The following FGD2 variants were observed in gnomAD, a reference collection of about 807,000 sequenced individuals.
The protein encoded by FGD2 is FYVE, RhoGEF and PH domain containing 2.
FGD2 carries 52 observed loss-of-function variants against 75.9 expected under a neutral mutation model. The ratio of observed to expected loss-of-function variants is 0.69; its 90% CI spans 0.55 to 0.86. The LOEUF (loss-of-function observed/expected upper bound fraction) is 0.86, where lower values mean the gene tolerates loss of function less well. Among genes scored for constraint, FGD2 ranks in the 40% least tolerant of loss-of-function variants. FGD2 has a pLI of 0.00. For missense variants in FGD2, 790 were observed against 872.0 expected (o/e 0.91, Z 1.18); for synonymous variants, 347 against 348.6 (o/e 1.00, Z 0.05).
At chr6:37,013,542 AC>A in intron 4 of FGD2, 66 bp from the exon 5 acceptor site, 2 of 1,562,548 alleles carry the variant, frequency 1.3e-6, no homozygotes, top group Non-Finnish European at 1.7e-6. Context: ...GCCTGGCCTC[AC>A]CTGGCCCTAT....
chr6:37,014,001 A>AT lies in FGD2; in HGVS notation c.725dup (p.Met242IlefsTer52). On this transcript the variant is annotated frameshift_variant, in exon 6 of 16. Coordinates refer to ENST00000274963, the MANE Select transcript of FGD2 (RefSeq NM_173558.4). LOFTEE classifies it high-confidence loss of function. ...GGGCAGCCTGACCCTGCAGCACCAC[A>AT]TGCTGGAACCAGTGCAGAGAATTCC... The AT allele has an allele frequency of 6.2e-7, 1 of 1,614,020 alleles. No individual in the cohort carries two copies.
chr6:37,017,899 C>G (rs1425832652), intron 9 of FGD2, among the ~76,000 whole-genome samples: 2 of 152,200 alleles, frequency 1.3e-5, no homozygotes, highest in East Asian at 3.8e-4. Flanking sequence ...GATGAGGGAA[C>G]ATGGGTTCAC....
chr6:37,023,334 C>T (rs11970283), intron 13 of FGD2: 2,314 of 154,616 alleles, frequency 0.015, 52 homozygotes, highest in African/African-American at 0.049. Flanking sequence ...TCTTTCCCTT[C>T]CCTCTCCTCT....
At position 37,005,757 on chromosome 6, in the gene FGD2, T is replaced by C; in HGVS notation, c.-61T>C. The C allele has an allele frequency of 3.2e-6, 5 of 1,583,706 alleles. No homozygotes were observed. In the South Asian group the frequency reaches 4.5e-5, roughly 14 times the overall value. ...CCCAGGCCAGCGTGGCTGAGTGTGC[T>C]GGCTGGAGGCCTCTCTCTCTGCTTC... On this transcript the variant is annotated 5_prime_UTR_variant, in exon 1 of 16. Transcript: ENST00000274963.
intron 2 of FGD2, among the ~76,000 whole-genome samples, chr6:37,010,559 C>T (rs1338365021): frequency 6.6e-6 from 1 of 152,178 alleles, no homozygotes; most frequent in African/African-American, 2.4e-5. Context: ...GCTCAGCTCG[C>T]AAGTCTGGCA....
At chr6:37,016,889 T>C (rs1259971846) in intron 9 of FGD2, among the ~76,000 whole-genome samples, 2 of 152,130 alleles carry the variant, frequency 1.3e-5, no homozygotes, top group African/African-American at 4.8e-5. Context: ...AAATACAGAT[T>C]ATACACATTC....
intron 11 of FGD2, 108 bp from the exon 12 acceptor site, chr6:37,021,403 AC>A: frequency 1.1e-6 from 1 of 911,224 alleles, no homozygotes; most frequent in Non-Finnish European, 1.7e-6. Context: ...AGCGCCTGGT[AC>A]CCAGTGGGCT....
In FGD2 at chr6:37,027,503, G is replaced by C. The variant is rs147433704; in HGVS notation, c.1680G>C (p.Lys560Asn). 11 of 1,613,998 alleles carry C rather than the reference G, an allele frequency of 6.8e-6. No individual in the cohort carries two copies. In the African/African-American group the frequency reaches 1.5e-4, roughly 22 times the overall value. ...AGCTCATCGGGGACAAGTGGGGCAAGAGCGGCCCCCGGGGCTGGTGTGTGA... is the reference window on the plus strand; with the variant it reads ...AGCTCATCGGGGACAAGTGGGGCAACAGCGGCCCCCGGGGCTGGTGTGTGA... ...FLQLIGDKWG[K>N]SGPRGWCVIP... is the part of the protein sequence containing the mutation. The change falls in exon 15 of 16, where the codon AAG (lysine) becomes AAC (asparagine). Residue 560 changes from lysine (K) to asparagine (N), a missense_variant. By Grantham distance (94) the Lys-to-Asn change is moderately conservative (BLOSUM62 0). Transcript: ENST00000274963.
chr6:37,013,839 C>A, intron 5 of FGD2, 74 bp downstream of exon 5: 1 of 1,592,622 alleles, frequency 6.3e-7, no homozygotes, highest in South Asian at 1.1e-5. Flanking sequence ...TTGAGTGATT[C>A]CGGGCATCTC....
intron 13 of FGD2, chr6:37,025,539 C>A: frequency 1.9e-6 from 1 of 521,534 alleles, no homozygotes; most frequent in Non-Finnish European, 3.5e-6. Context: ...ACGGCCCTCG[C>A]GGTGGGGGCC....
intron 13 of FGD2, chr6:37,023,483 T>G: frequency 6.6e-6 from 1 of 151,654 alleles, no homozygotes; most frequent in Non-Finnish European, 1.5e-5. Flanking sequence ...GATCTCGCTT[T>G]GCTTTTTAAG....
chr6:37,015,926 G>A, intron 9 of FGD2, 66 bp downstream of exon 9: 1 of 1,416,808 alleles, frequency 7.1e-7, no homozygotes, highest in East Asian at 2.5e-5. Flanking sequence ...GGGAGTAAGA[G>A]GAGGGGCCAA....
chr6:37,007,587 A>G (rs1178754536), intron 1 of FGD2, among the ~76,000 whole-genome samples: 1 of 152,252 alleles, frequency 6.6e-6, no homozygotes, highest in East Asian at 1.9e-4. Context: ...CAAGAGGGTG[A>G]GAGCCACTCC....
At chr6:37,008,074 A>G (rs933453092) in intron 1 of FGD2, among the ~76,000 whole-genome samples, 1 of 152,212 alleles carries the variant, frequency 6.6e-6, no homozygotes, top group East Asian at 1.9e-4. Context: ...CCTTGAGTGC[A>G]AAATATGGGT....
At chr6:37,005,987 T>G (rs1764730318) in intron 1 of FGD2, 102 bp downstream of exon 1, 1 of 1,324,978 alleles carries the variant, frequency 7.5e-7, no homozygotes, top group East Asian at 2.4e-5. Context: ...ACCCTCCTCC[T>G]GCAGGGGCAG....
At position 37,009,058 on chromosome 6, in the gene FGD2, GGACGCAGGTGCCTGAGGGCT is replaced by G; in HGVS notation, c.296_300+15del. The G allele has an allele frequency of 6.2e-7, 1 of 1,613,930 alleles. No individual in the cohort carries two copies. ...CAGCCTGTGACCCTCTCAGGATCGG[GGACGCAGGTGCCTGAGGGCT>G]GAGGTAGAGGTGTGGGGTGCTGGGG... On this transcript the variant is annotated splice_donor_variant and splice_donor_5th_base_variant and coding_sequence_variant and intron_variant, in exon 2 of 16. Coordinates refer to ENST00000274963, the MANE Select transcript of FGD2 (RefSeq NM_173558.4). LOFTEE classifies it high-confidence loss of function.
chr6:37,027,887 G>A, intron 15 of FGD2, 61 bp from the exon 16 acceptor site: 1 of 1,569,920 alleles, frequency 6.4e-7, no homozygotes, highest in Non-Finnish European at 8.7e-7. Flanking sequence ...CCTTCACGAT[G>A]GCTATCTGGG....
chr6:37,011,550 C>A, intron 3 of FGD2, 156 bp from the exon 4 acceptor site: 2 of 1,018,722 alleles, frequency 2.0e-6, no homozygotes, highest in South Asian at 1.5e-5. Flanking sequence ...CAGAACACAA[C>A]CTCCCCTGCC....
rs890306329 is a variant in FGD2, at chr6:37,014,810, G to A, written c.883-82G>A. 1.9e-6 allele frequency: 3 copies of A among 1,608,512 alleles called. No homozygotes were observed. In the East Asian group the frequency reaches 6.7e-5, roughly 36 times the overall value. On this transcript the variant is annotated intron_variant, in intron 7 of 15. Coordinates refer to ENST00000274963, the MANE Select transcript of FGD2 (RefSeq NM_173558.4). ...CTGCTGCCCTCACTGTTACCCCCCA[G>A]TCCCCGTCCCCACAAGGCAAGCCTT... is the stretch of plus-strand genomic sequence containing the variant.
Sources: gnomAD v4.1 joint callset for allele counts (sites outside exome capture counted in the v4.1 genomes callset) on GRCh38, gnomAD v4.1.1 for gene constraint, MANE v1.5 for transcripts, NCBI Gene and HGNC (gene_info 2026-07-23, HGNC 2026-07-21) for gene names.